CDH20: variants seen among roughly 807,000 people sequenced by gnomAD.
CDH20 encodes the protein cadherin-20.
CDH20 carries 29 observed loss-of-function variants against 74.2 expected under a neutral mutation model. The ratio of observed to expected loss-of-function variants is 0.39; its 90% confidence interval spans 0.29 to 0.53. The LOEUF is 0.53. CDH20 is among the 20% of genes least tolerant of loss of function. The pLI, the probability that CDH20 is intolerant of heterozygous loss-of-function variation, is 0.69. For synonymous variants in CDH20, 469 were observed against 405.4 expected (o/e 1.16, Z -1.88); for missense variants, 988 against 1,048.3 (o/e 0.94, Z 0.79).
intron 6 of CDH20, among the ~76,000 whole-genome samples, chr18:61,517,006 C>T (rs1035244612): frequency 6.6e-6 from 1 of 152,118 alleles, no homozygotes; most frequent in African/African-American, 2.4e-5. Flanking sequence ...TAATTAAAAA[C>T]TCACGCTAGT....
chr18:61,472,328 A>G (rs1017303051), intron 1 of CDH20, among the ~76,000 whole-genome samples: 6 of 151,664 alleles, frequency 4.0e-5, no homozygotes, highest in Non-Finnish European at 8.8e-5. Flanking sequence ...CGGCATAGGC[A>G]GCAGGGGAAG....
chr18:61,500,685 A>G (rs1911346097), intron 4 of CDH20, among the ~76,000 whole-genome samples, 183 bp downstream of exon 4: 1 of 152,206 alleles, frequency 6.6e-6, no homozygotes, highest in South Asian at 2.1e-4. Context: ...GAGCAGCACT[A>G]TGCATAGACA....
chr18:61,534,987 G>T (rs558646), intron 7 of CDH20, among the ~76,000 whole-genome samples: 1 of 151,782 alleles, frequency 6.6e-6, no homozygotes, highest in African/African-American at 2.4e-5. Flanking sequence ...CACATTGTAC[G>T]CCATAAATAT....
At chr18:61,524,935 C>T (rs1447160736) in intron 6 of CDH20, among the ~76,000 whole-genome samples, 1 of 152,086 alleles carries the variant, frequency 6.6e-6, no homozygotes, top group Non-Finnish European at 1.5e-5. Flanking sequence ...AAAAAAACTC[C>T]TCATTCATGC....
At chr18:61,456,936 T>C (rs7244804) in intron 1 of CDH20, among the ~76,000 whole-genome samples, 83,112 of 151,938 alleles carry the variant, frequency 0.55, 23,939 homozygotes, top group African/African-American at 0.74. Flanking sequence ...TAATCTCATT[T>C]CTTAAGGCTC....
chr18:61,531,796 T>C (rs1458318955), intron 7 of CDH20, among the ~76,000 whole-genome samples: 1 of 152,080 alleles, frequency 6.6e-6, no homozygotes, highest in African/African-American at 2.4e-5. Context: ...GATCTGATGG[T>C]TTTAAAAGGG....
chr18:61,492,577 ACT>A (rs1279720142), intron 2 of CDH20, among the ~76,000 whole-genome samples: 1 of 151,634 alleles, frequency 6.6e-6, no homozygotes, highest in Admixed American at 6.6e-5. Context: ...GGCCCATGCT[ACT>A]CTCTCCCTCA....
At chr18:61,416,040 A>T (rs1912671654) in intron 1 of CDH20, among the ~76,000 whole-genome samples, 1 of 127,786 alleles carries the variant, frequency 7.8e-6, no homozygotes, top group Non-Finnish European at 1.7e-5. Flanking sequence ...ATGTTCCAAG[A>T]TGTAAAAAAA....
intron 1 of CDH20, among the ~76,000 whole-genome samples, chr18:61,466,025 A>C (rs550489816): frequency 1.3e-3 from 196 of 150,940 alleles, no homozygotes; most frequent in African/African-American, 4.7e-3. Context: ...GTGCCACTGC[A>C]CTCCAGCCTA....
intron 1 of CDH20, among the ~76,000 whole-genome samples, chr18:61,475,715 T>C (rs1910352425): frequency 6.6e-6 from 1 of 152,166 alleles, no homozygotes; most frequent in Admixed American, 6.5e-5. Context: ...TGGAAAATGA[T>C]CAATTGATAA....
At position 61,392,353 on chromosome 18, in the gene CDH20, T is replaced by G. The variant is rs559682714; in HGVS notation, c.-153+58526T>G. Among the ~76,000 whole-genome samples the G allele has an allele frequency of 5.4e-4, 82 of 152,258 alleles. No individual in the cohort carries two copies. In the South Asian group the frequency reaches 0.017, roughly 31 times the overall value. ...GTCTTCCCTGTTTACCCACTCTAAATCAGCTCCCTTTTATATACAATCAGT... is the reference window on the plus strand; with the variant it reads ...GTCTTCCCTGTTTACCCACTCTAAAGCAGCTCCCTTTTATATACAATCAGT... On this transcript the variant is annotated intron_variant, in intron 1 of 11. Transcript: ENST00000262717.
At chr18:61,496,183 CCCCT>C (rs1489411777) in intron 2 of CDH20, among the ~76,000 whole-genome samples, 1 of 40,666 alleles carries the variant, frequency 2.5e-5, no homozygotes, top group Non-Finnish European at 5.2e-5. Flanking sequence ...TCCCTCTCCC[CCCCT>C]CCTCCCTTCC....
At chr18:61,367,540 T>C (rs1253085148) in intron 1 of CDH20, among the ~76,000 whole-genome samples, 1 of 152,178 alleles carries the variant, frequency 6.6e-6, no homozygotes, top group Non-Finnish European at 1.5e-5. Flanking sequence ...AGAATCTGTT[T>C]CCTTGACTTT....
At chr18:61,510,977 TTTC>T (rs1338308176) in intron 6 of CDH20, among the ~76,000 whole-genome samples, 15 of 11,098 alleles carry the variant, frequency 1.4e-3, no homozygotes, top group African/African-American at 3.0e-3. Flanking sequence ...TCTTTCTTTC[TTTC>T]TTTTTTTTTT....
intron 6 of CDH20, among the ~76,000 whole-genome samples, chr18:61,507,858 T>C (rs1911630566): frequency 6.6e-6 from 1 of 152,190 alleles, no homozygotes; most frequent in South Asian, 2.1e-4. Context: ...GTAGCTTAAC[T>C]TTCTAATGAT....
chr18:61,532,397 A>G (rs1216422754), intron 7 of CDH20, among the ~76,000 whole-genome samples: 3 of 152,088 alleles, frequency 2.0e-5, no homozygotes, highest in African/African-American at 7.2e-5. Flanking sequence ...GCTCTTACTC[A>G]TCAGCTTTCT....
At chr18:61,358,153 C>T (rs772649939) in intron 1 of CDH20, among the ~76,000 whole-genome samples, 8 of 149,234 alleles carry the variant, frequency 5.4e-5, no homozygotes, top group African/African-American at 1.2e-4. Flanking sequence ...CTTGCTGTGA[C>T]GCCCAGGCTG....
chr18:61,403,842 C>T (rs961460421), intron 1 of CDH20, among the ~76,000 whole-genome samples: 3 of 152,118 alleles, frequency 2.0e-5, no homozygotes, highest in Admixed American at 2.0e-4. Context: ...CACCATAGCA[C>T]ATTAATGACA....
chr18:61,429,132 C>G (rs1250610140), intron 1 of CDH20, among the ~76,000 whole-genome samples: 1 of 152,150 alleles, frequency 6.6e-6, no homozygotes, highest in African/African-American at 2.4e-5. Context: ...CAAAAAATCA[C>G]AAGTTTTTGA....
Sources: gnomAD v4.1 joint callset for allele counts (sites outside exome capture counted in the v4.1 genomes callset) on GRCh38, gnomAD v4.1.1 for gene constraint, MANE v1.5 for transcripts, NCBI Gene and HGNC (gene_info 2026-07-23, HGNC 2026-07-21) for gene names.